The following YPEL5 variants were observed in gnomAD, a reference collection of about 807,000 sequenced individuals.
YPEL5 encodes the protein yippee like 5.
A neutral mutation model predicts 10.5 loss-of-function variants in YPEL5; 1 was observed. That is an observed-to-expected ratio of 0.10 (90% CI 0.03 to 0.45). YPEL5 has a LOEUF of 0.45. Among genes scored for constraint, YPEL5 ranks in the 20% least tolerant of loss-of-function variants. The probability of loss-of-function intolerance (pLI) is 0.97; values close to 1 mark genes in which losing one functional copy is unlikely to be tolerated. For synonymous variants in YPEL5, 61 were observed against 56.6 expected (o/e 1.08, Z -0.35); for missense variants, 68 against 159.3 (o/e 0.43, Z 3.09).
At chr2:30,153,120 T>G (rs747783097) in intron 1 of YPEL5, among the ~76,000 whole-genome samples, 15 of 152,052 alleles carry the variant, frequency 9.9e-5, no homozygotes, top group Non-Finnish European at 1.9e-4. Flanking sequence ...CCAGGATGGT[T>G]TCGATCTCCT....
rs1030458743 is a variant in YPEL5 at position 30,159,782 on chromosome 2, C to T, written c.*939C>T. 2.6e-5 allele frequency: 4 copies of T among 152,170 alleles called. No homozygotes were observed. The highest frequency in any genetic ancestry group is 5.9e-5 in the Non-Finnish European group (4 of 68,028). 9.4% of individuals were successfully genotyped at this position (152,170 alleles called of 1,614,324 possible). A position where few individuals can be genotyped will look rare whatever the true frequency, so the allele number is the denominator to read the frequency against. ...ATGCAAAAAAACATTTAATCTGCAT[C>T]TGTTTTAGAAAAGGGGGAAATGAAG... On this transcript the variant is annotated 3_prime_UTR_variant, in exon 3 of 3. Coordinates refer to ENST00000261353, the MANE Select transcript of YPEL5 (RefSeq NM_016061.3).
intron 1 of YPEL5, among the ~76,000 whole-genome samples, chr2:30,154,075 G>C (rs892147425): frequency 6.6e-6 from 1 of 152,142 alleles, no homozygotes; most frequent in Non-Finnish European, 1.5e-5. Flanking sequence ...CTCCCATTAC[G>C]GTTGAAATAA....
rs1277033356 is a variant in YPEL5, at chr2:30,160,050, T to A, written c.*1207T>A. 6.6e-6 allele frequency: 1 copy of A among 152,652 alleles called. No individual in the cohort carries two copies. The highest frequency in any genetic ancestry group is 2.4e-5 in the African/African-American group (1 of 41,458). 9.5% of individuals were successfully genotyped at this position (152,652 alleles called of 1,614,324 possible). ...TTATTTTAGCCCCAAATTTATGACATTACACAATATTAAAATGTAAATGTT... is the reference window on the plus strand; with the variant it reads ...TTATTTTAGCCCCAAATTTATGACAATACACAATATTAAAATGTAAATGTT... On this transcript the variant is annotated 3_prime_UTR_variant, in exon 3 of 3. Transcript: ENST00000261353.
chr2:30,156,687 C>G lies in YPEL5; in HGVS notation c.36C>G (p.Thr12=), dbSNP rs1306358902. ...GRIFLDHIGG[T]RLFSCANCDT... is the part of the protein sequence containing the mutation. Reference sequence around the variant, plus strand: ...TTTTCCTTGATCATATCGGTGGTACCCGTCTGTTTTCTTGTGCAAACTGTG... The same window carrying G: ...TTTTCCTTGATCATATCGGTGGTACGCGTCTGTTTTCTTGTGCAAACTGTG... Residue 12 remains threonine, a synonymous_variant, in exon 2 of 3, where the codon ACC becomes ACG. Transcript: ENST00000261353. 6.2e-7 allele frequency: 1 copy of G among 1,614,092 alleles called. No homozygotes were observed.
At chr2:30,156,872 TAG>T in intron 2 of YPEL5, 80 bp downstream of exon 2, 1 of 1,511,414 alleles carries the variant, frequency 6.6e-7, no homozygotes, top group Non-Finnish European at 9.1e-7. Context: ...CCTCAGAGCT[TAG>T]AGATACCAGG....
At chr2:30,151,888 C>T (rs772861095) in intron 1 of YPEL5, among the ~76,000 whole-genome samples, 4 of 152,192 alleles carry the variant, frequency 2.6e-5, no homozygotes, top group Admixed American at 6.5e-5. Context: ...TCTGGGATTA[C>T]TCTAAGTCCA....
chr2:30,156,881 C>T (rs769694181), intron 2 of YPEL5, 89 bp downstream of exon 2: 31 of 1,447,560 alleles, frequency 2.1e-5, no homozygotes, highest in Non-Finnish European at 2.9e-5. Context: ...TTAGAGATAC[C>T]AGGAAGAGTC....
intron 1 of YPEL5, among the ~76,000 whole-genome samples, chr2:30,149,734 C>T (rs1034292612): frequency 2.0e-5 from 3 of 152,194 alleles, no homozygotes; most frequent in Admixed American, 1.3e-4. Flanking sequence ...ACCCTTTCTG[C>T]GCTAGATGCC....
At chr2:30,156,574 G>A (rs1676047465) in intron 1 of YPEL5, 54 bp from the exon 2 acceptor site, 1 of 1,534,318 alleles carries the variant, frequency 6.5e-7, no homozygotes, top group Non-Finnish European at 8.9e-7. Context: ...CCCCCAAGTA[G>A]GTGCTAACAT....
At chr2:30,151,286 C>CT (rs951297812) in intron 1 of YPEL5, among the ~76,000 whole-genome samples, 10 of 150,860 alleles carry the variant, frequency 6.6e-5, no homozygotes, top group East Asian at 1.9e-4. Flanking sequence ...AGAGAATCAT[C>CT]TTTTTTTTTC....
In YPEL5 at chr2:30,158,823, G is replaced by A. The variant is rs374303662; in HGVS notation, c.346G>A (p.Val116Ile). 30 of 1,614,056 alleles carry A rather than the reference G, an allele frequency of 1.9e-5. No individual in the cohort carries two copies. Among genetic ancestry groups the A allele is most frequent in the Non-Finnish European group, 2.4e-5 (28 of 1,180,032 alleles). The change falls in exon 3 of 3, where the codon GTA becomes ATA. Residue 116 changes from valine (V) to isoleucine (I), a missense_variant. This residue lies in a region of YPEL5 where 20 missense variants were observed against 21.0 expected (regional missense o/e 0.95). Coordinates refer to ENST00000261353, the MANE Select transcript of YPEL5 (RefSeq NM_016061.3). ...AGAGAGTGAGGGCTTTGAGGAGCATGTACCATCTGATAACTCTTGAAGATA... is the reference window on the plus strand; with the variant it reads ...AGAGAGTGAGGGCTTTGAGGAGCATATACCATCTGATAACTCTTGAAGATA... ...VRESEGFEEH[V>I]PSDNS
At chr2:30,152,296 CTA>C (rs554669726) in intron 1 of YPEL5, among the ~76,000 whole-genome samples, 33 of 152,028 alleles carry the variant, frequency 2.2e-4, no homozygotes, top group Non-Finnish European at 4.7e-4. Context: ...TTTTGTAGCT[CTA>C]TGTAGCAGAA....
intron 1 of YPEL5, among the ~76,000 whole-genome samples, chr2:30,152,054 C>T (rs1572752590): frequency 6.6e-6 from 1 of 152,102 alleles, no homozygotes; most frequent in East Asian, 1.9e-4. Context: ...CATTCTAAAG[C>T]CAATTGGTGG....
At chr2:30,155,538 C>T (rs1396025792) in intron 1 of YPEL5, among the ~76,000 whole-genome samples, 3 of 152,076 alleles carry the variant, frequency 2.0e-5, no homozygotes, top group Non-Finnish European at 4.4e-5. Flanking sequence ...AAAACACAGG[C>T]GCTGATAACT....
At chr2:30,147,791 C>G (rs1356921474) in intron 1 of YPEL5, 1 of 153,078 alleles carries the variant, frequency 6.5e-6, no homozygotes, top group African/African-American at 2.4e-5. Flanking sequence ...AGAGAGCCCC[C>G]CGGCCACCCG....
chr2:30,156,920 G>A, intron 2 of YPEL5, 128 bp downstream of exon 2: 1 of 1,120,208 alleles, frequency 8.9e-7, no homozygotes, highest in Non-Finnish European at 1.3e-6. Flanking sequence ...CTACAGAAAT[G>A]ATTGCCCACT....
At chr2:30,148,710 C>G (rs1009239960) in intron 1 of YPEL5, among the ~76,000 whole-genome samples, 1 of 152,100 alleles carries the variant, frequency 6.6e-6, no homozygotes, top group Non-Finnish European at 1.5e-5. Context: ...GAACTTTTCT[C>G]TAGACTAATT....
At chr2:30,153,974 A>G (rs1232046762) in intron 1 of YPEL5, among the ~76,000 whole-genome samples, 1 of 152,266 alleles carries the variant, frequency 6.6e-6, no homozygotes, top group Non-Finnish European at 1.5e-5. Flanking sequence ...TGATGTAGGC[A>G]GAAGGCATAG....
chr2:30,147,687 C>G (rs1402118920), intron 1 of YPEL5: 2 of 152,528 alleles, frequency 1.3e-5, no homozygotes, highest in African/African-American at 4.8e-5. Flanking sequence ...CCCCTCCCCC[C>G]CATGAACGTC....
Sources: gnomAD v4.1 joint callset for allele counts (sites outside exome capture counted in the v4.1 genomes callset) on GRCh38, gnomAD v4.1.1 for gene constraint, gnomAD v4.1.1 regional missense constraint, MANE v1.5 for transcripts, NCBI Gene and HGNC (gene_info 2026-07-23, HGNC 2026-07-21) for gene names.